PDE4B: variants seen among roughly 807,000 people sequenced by gnomAD.
The protein encoded by PDE4B is 3',5'-cyclic-AMP phosphodiesterase 4B.
Under a neutral mutation model 82.2 loss-of-function variants are expected in PDE4B, and 20 were observed. The ratio of observed to expected loss-of-function variants is 0.24; its 90% CI spans 0.17 to 0.35. The LOEUF is 0.35. PDE4B is among the 10% of genes least tolerant of loss of function. PDE4B has a pLI of 1.00. For synonymous variants in PDE4B, 320 were observed against 318.9 expected (o/e 1.00, Z -0.04); for missense variants, 655 against 907.2 (o/e 0.72, Z 3.57).
intron 2 of PDE4B, among the ~76,000 whole-genome samples, chr1:65,916,195 T>C (rs1207799290): frequency 6.6e-6 from 1 of 152,192 alleles, no homozygotes; most frequent in East Asian, 1.9e-4. Flanking sequence ...TGTTCTTACT[T>C]TGTGGCAATG....
At chr1:66,113,345 G>A (rs1570267478) in intron 3 of PDE4B, among the ~76,000 whole-genome samples, 1 of 152,122 alleles carries the variant, frequency 6.6e-6, no homozygotes, top group Non-Finnish European at 1.5e-5. Flanking sequence ...TGCAGAGTTT[G>A]AAAATATCTA....
chr1:66,322,109 G>A (rs1198905661), intron 7 of PDE4B, among the ~76,000 whole-genome samples: 1 of 152,140 alleles, frequency 6.6e-6, no homozygotes, highest in Non-Finnish European at 1.5e-5. Flanking sequence ...TGGAAAAACT[G>A]GCTAGCCATA....
At chr1:66,315,243 T>C (rs1658948318) in intron 7 of PDE4B, among the ~76,000 whole-genome samples, 1 of 152,224 alleles carries the variant, frequency 6.6e-6, no homozygotes, top group East Asian at 1.9e-4. Flanking sequence ...CCTTAGGGTC[T>C]TTCAGTTTTT....
chr1:65,876,569 T>A (rs980513269), intron 1 of PDE4B, among the ~76,000 whole-genome samples: 3 of 152,186 alleles, frequency 2.0e-5, no homozygotes, highest in African/African-American at 7.2e-5. Flanking sequence ...GTTTAAATTC[T>A]TCGGAGTTCT....
intron 10 of PDE4B, 57 bp downstream of exon 10, chr1:66,361,850 A>G: frequency 7.5e-7 from 1 of 1,339,632 alleles, no homozygotes; most frequent in Non-Finnish European, 1.0e-6. Context: ...CAGACGGATG[A>G]CCGTATACCT....
At chr1:66,129,454 G>C (rs1212598223) in intron 3 of PDE4B, among the ~76,000 whole-genome samples, 1 of 151,394 alleles carries the variant, frequency 6.6e-6, no homozygotes, top group Non-Finnish European at 1.5e-5. Flanking sequence ...TCAGGAGATC[G>C]AGACCATCCC....
intron 3 of PDE4B, among the ~76,000 whole-genome samples, chr1:65,997,183 C>T (rs1202340956): frequency 7.7e-6 from 1 of 129,146 alleles, no homozygotes; most frequent in Non-Finnish European, 1.6e-5. Context: ...CATTGCTGCT[C>T]CTTTTTGGAG....
intron 4 of PDE4B, among the ~76,000 whole-genome samples, chr1:66,248,457 G>A (rs1217960776): frequency 6.6e-6 from 1 of 152,162 alleles, no homozygotes. Context: ...CTATTGGAAG[G>A]GAAGTCAAAA....
intron 3 of PDE4B, among the ~76,000 whole-genome samples, chr1:66,214,711 A>G (rs540581967): frequency 8.3e-4 from 126 of 152,246 alleles, no homozygotes; most frequent in African/African-American, 2.9e-3. Flanking sequence ...CAAGTGGTAG[A>G]ACCAGAATTC....
chr1:66,280,647 A>G (rs1656227129), intron 7 of PDE4B, among the ~76,000 whole-genome samples: 1 of 152,132 alleles, frequency 6.6e-6, no homozygotes. Context: ...GGATATTAAA[A>G]CTTATCTCCA....
intron 8 of PDE4B, among the ~76,000 whole-genome samples, chr1:66,333,479 C>T (rs1660276817): frequency 6.6e-6 from 1 of 152,138 alleles, no homozygotes; most frequent in Admixed American, 6.5e-5. Context: ...CACACACACA[C>T]ACACACATAC....
intron 3 of PDE4B, among the ~76,000 whole-genome samples, chr1:65,972,230 G>A (rs1650179180): frequency 6.6e-6 from 1 of 152,174 alleles, no homozygotes; most frequent in Non-Finnish European, 1.5e-5. Context: ...ATAGCCAGTT[G>A]TTTTGGGAAT....
At chr1:66,263,213 A>T (rs1654812109) in intron 6 of PDE4B, among the ~76,000 whole-genome samples, 3 of 152,250 alleles carry the variant, frequency 2.0e-5, no homozygotes, top group Admixed American at 2.0e-4. Context: ...GTGGTTCAGT[A>T]AGCACAGGAA....
At chr1:66,275,838 G>T (rs1655841346) in intron 7 of PDE4B, among the ~76,000 whole-genome samples, 1 of 152,124 alleles carries the variant, frequency 6.6e-6, no homozygotes, top group Non-Finnish European at 1.5e-5. Flanking sequence ...GAACTCACTG[G>T]ATCTTTTTCT....
chr1:65,973,579 T>C (rs899684347), intron 3 of PDE4B, among the ~76,000 whole-genome samples: 8 of 152,192 alleles, frequency 5.3e-5, no homozygotes, highest in Admixed American at 4.6e-4. Context: ...ATCCTTTTGC[T>C]ACTAATTTAT....
chr1:66,337,545 G>T (rs1292565869), intron 8 of PDE4B, among the ~76,000 whole-genome samples: 1 of 152,212 alleles, frequency 6.6e-6, no homozygotes, highest in South Asian at 2.1e-4. Context: ...GCTCACGACG[G>T]CTGCTCACAG....
chr1:66,070,862 A>G (rs1656120804), intron 3 of PDE4B, among the ~76,000 whole-genome samples: 1 of 152,048 alleles, frequency 6.6e-6, no homozygotes, highest in South Asian at 2.1e-4. Flanking sequence ...TATCTTGGTA[A>G]GTTATAAATT....
chr1:66,302,163 C>T lies in PDE4B; in HGVS notation c.635-30345C>T, dbSNP rs116205823. 4.5e-3 allele frequency among the ~76,000 whole-genome samples: 687 copies of T among 152,294 alleles called. 8 individuals are homozygous for T. The highest frequency in any genetic ancestry group is 3.7e-3 in the Non-Finnish European group (255 of 68,024). On this transcript the variant is annotated intron_variant, in intron 7 of 16. Transcript: ENST00000341517. ...CAAGAAGAGCCTGAAGCAGAAGTGA[C>T]CCACTGGCCTTGGAGACAGGAGGCA...
intron 3 of PDE4B, among the ~76,000 whole-genome samples, chr1:66,207,451 A>G (rs1002424596): frequency 1.3e-5 from 2 of 152,196 alleles, no homozygotes; most frequent in African/African-American, 4.8e-5. Flanking sequence ...TTAATTTCCC[A>G]TCAGTTAAGA....
Sources: allele counts gnomAD v4.1 joint callset (sites outside exome capture counted in the v4.1 genomes callset), GRCh38; gene constraint gnomAD v4.1.1; transcripts MANE v1.5; gene names NCBI Gene and HGNC (gene_info 2026-07-23, HGNC 2026-07-21).